Variants in IQGAP2 observed in about 807,000 individuals in gnomAD.
The protein encoded by IQGAP2 is IQ motif containing GTPase activating protein 2.
IQGAP2 carries 173 observed loss-of-function variants against 201.3 expected under a neutral mutation model. That is an observed-to-expected ratio of 0.86 (90% CI 0.76 to 0.98). IQGAP2 has a LOEUF of 0.98. Among genes scored for constraint, IQGAP2 ranks in the 50% least tolerant of loss-of-function variants. The pLI, the probability that IQGAP2 is intolerant of heterozygous loss-of-function variation, is 0.00. For missense variants in IQGAP2, 1,687 were observed against 1,864.8 expected (o/e 0.90, Z 1.76); for synonymous variants, 675 against 673.9 (o/e 1.00, Z -0.03).
chr5:76,627,891 T>G (rs1426594442), intron 14 of IQGAP2, among the ~76,000 whole-genome samples: 1 of 151,996 alleles, frequency 6.6e-6, no homozygotes, highest in African/African-American at 2.4e-5. Flanking sequence ...ACCTATGGAG[T>G]TGGCTAGCTG....
intron 2 of IQGAP2, among the ~76,000 whole-genome samples, chr5:76,465,545 A>C (rs1754723023): frequency 6.6e-6 from 1 of 152,236 alleles, no homozygotes; most frequent in East Asian, 1.9e-4. Flanking sequence ...AGGCAAGAAA[A>C]ATAAGCAAAA....
chr5:76,468,519 C>T (rs1268921546), intron 2 of IQGAP2, among the ~76,000 whole-genome samples: 7 of 152,182 alleles, frequency 4.6e-5, no homozygotes, highest in Non-Finnish European at 1.0e-4. Context: ...CCTCTCTATC[C>T]CACCACTGCT....
At chr5:76,420,262 T>G (rs1163226452) in intron 1 of IQGAP2, among the ~76,000 whole-genome samples, 1 of 152,210 alleles carries the variant, frequency 6.6e-6, no homozygotes, top group Non-Finnish European at 1.5e-5. Context: ...TGTTTTTTTT[T>G]GTGCTAAAAT....
chr5:76,479,879 C>CTG (rs772881695), intron 2 of IQGAP2, among the ~76,000 whole-genome samples: 3 of 151,750 alleles, frequency 2.0e-5, no homozygotes, highest in Admixed American at 6.6e-5. Flanking sequence ...TGGTGTAGAA[C>CTG]TGTGTGTGTG....
At chr5:76,593,607 C>T (rs962763921) in intron 9 of IQGAP2, among the ~76,000 whole-genome samples, 15 of 152,122 alleles carry the variant, frequency 9.9e-5, no homozygotes, top group African/African-American at 3.6e-4. Flanking sequence ...TCTGGCAAAA[C>T]CTATTTTTAC....
intron 1 of IQGAP2, among the ~76,000 whole-genome samples, chr5:76,446,331 C>T (rs1375254197): frequency 6.6e-6 from 1 of 151,938 alleles, no homozygotes; most frequent in Non-Finnish European, 1.5e-5. Context: ...CATTTTTTTC[C>T]ACACCTGCAC....
In IQGAP2 at chr5:76,590,428, A is replaced by G. The variant is rs1218879215; in HGVS notation, c.661A>G (p.Ile221Val). The stretch of plus-strand genomic sequence containing the variant: ...TTTAGTACATGCTGCAGTTATAGCC[A>G]TTAATGAAGCAGTTGAAAAAGGAAT... ...EAALHAAVIA[I>V]NEAVEKGIAE... The change falls in exon 8 of 36, where the codon ATT (isoleucine) becomes GTT (valine). Residue 221 changes from isoleucine (I) to valine (V), a missense_variant. Transcript: ENST00000274364. The G allele has an allele frequency of 6.2e-7, 1 of 1,608,496 alleles. No homozygotes were observed. The highest frequency in any genetic ancestry group is 1.3e-5 in the African/African-American group (1 of 74,650).
Position 76,564,808 on chromosome 5 carries a change from C to T in IQGAP2, c.303+2256C>T, listed in dbSNP as rs541110863. ...CTGCCCCATCAGATCCCTGGAAGGC[C>T]GGGTGGCACAGAGGTGATGCTGGGA... On this transcript the variant is annotated intron_variant, in intron 3 of 35. Coordinates refer to ENST00000274364, the MANE Select transcript of IQGAP2 (RefSeq NM_006633.5). Among the ~76,000 whole-genome samples, 11 of 152,230 alleles carry T rather than the reference C, an allele frequency of 7.2e-5. No homozygotes were observed. In the South Asian group the frequency reaches 2.1e-3, roughly 29 times the overall value.
Position 76,671,830 on chromosome 5 carries a change from A to G in IQGAP2, c.2915A>G (p.Asn972Ser), listed in dbSNP as rs746347958. ...PTVIKMVVSF[N>S]RGARGQNTLR... ...GTCATCAAGATGGTCGTCAGCTTCA[A>G]TAGAGGTGCCCGGGGACAGAACACC... Residue 972 changes from asparagine to serine, a missense_variant, in exon 24 of 36, where the codon AAT becomes AGT. Asn to Ser is a conservative substitution (Grantham distance 46). Coordinates refer to ENST00000274364, the MANE Select transcript of IQGAP2 (RefSeq NM_006633.5). The G allele has an allele frequency of 7.4e-6, 12 of 1,614,158 alleles. No homozygotes were observed. Among genetic ancestry groups the G allele is most frequent in the African/African-American group, 4.0e-5 (3 of 75,030 alleles).
At chr5:76,621,763 A>G (rs986674339) in intron 13 of IQGAP2, among the ~76,000 whole-genome samples, 8 of 152,102 alleles carry the variant, frequency 5.3e-5, no homozygotes, top group African/African-American at 1.9e-4. Context: ...TTCCTTATGA[A>G]TTGTACTCAT....
chr5:76,424,605 T>C (rs1244468442), intron 1 of IQGAP2, among the ~76,000 whole-genome samples: 2 of 152,152 alleles, frequency 1.3e-5, no homozygotes, highest in Non-Finnish European at 2.9e-5. Flanking sequence ...CCCTAACAGA[T>C]CTATTTTTGT....
intron 17 of IQGAP2, among the ~76,000 whole-genome samples, chr5:76,651,094 C>T (rs190951180): frequency 6.6e-6 from 1 of 152,196 alleles, no homozygotes; most frequent in African/African-American, 2.4e-5. Flanking sequence ...CTTTCTTTGT[C>T]CACCGATTGA....
chr5:76,495,751 A>G (rs1025888094), intron 2 of IQGAP2, among the ~76,000 whole-genome samples: 2 of 152,168 alleles, frequency 1.3e-5, no homozygotes, highest in Non-Finnish European at 2.9e-5. Context: ...ACCACATGGC[A>G]GGAGAGGGAG....
At chr5:76,692,849 G>A (rs1269572758) in intron 30 of IQGAP2, among the ~76,000 whole-genome samples, 2 of 152,144 alleles carry the variant, frequency 1.3e-5, no homozygotes, top group Non-Finnish European at 2.9e-5. Context: ...GCTCCCACTG[G>A]TCTTCAGACT....
rs1371452129 is a variant in IQGAP2 at position 76,545,657 on chromosome 5, C to A, written c.147-16739C>A. Among the ~76,000 whole-genome samples, 3 of 152,234 alleles carry A rather than the reference C, an allele frequency of 2.0e-5. No homozygotes were observed. The East Asian group carries it at 5.8e-4, about 29-fold the overall frequency. On this transcript the variant is annotated intron_variant, in intron 2 of 35. Coordinates refer to ENST00000274364, the MANE Select transcript of IQGAP2 (RefSeq NM_006633.5). Reference sequence around the variant, plus strand: ...TTTTACTAGGCTTTGAAAGTTCCATCCATTTTACTAGGTGTGAATCCACTT... The same window carrying A: ...TTTTACTAGGCTTTGAAAGTTCCATACATTTTACTAGGTGTGAATCCACTT...
At chr5:76,427,719 C>T (rs1032693589) in intron 1 of IQGAP2, among the ~76,000 whole-genome samples, 14 of 152,172 alleles carry the variant, frequency 9.2e-5, no homozygotes, top group Non-Finnish European at 1.8e-4. Context: ...TAACAAGCTC[C>T]CAGGTGATGC....
intron 1 of IQGAP2, among the ~76,000 whole-genome samples, chr5:76,454,686 CT>C (rs36156605): frequency 0.21 from 31,709 of 150,086 alleles, 2,991 homozygotes; most frequent in Middle Eastern, 0.29. Context: ...TTAATCCAGT[CT>C]ATCATTGTTG....
chr5:76,569,292 A>T (rs561631286), intron 3 of IQGAP2, among the ~76,000 whole-genome samples: 5 of 152,228 alleles, frequency 3.3e-5, no homozygotes, highest in Admixed American at 2.6e-4. Context: ...TTTTTGGTCT[A>T]TCTTTCCATA....
chr5:76,626,270 C>CTTTTCTTTTT (rs1750221451), intron 13 of IQGAP2, among the ~76,000 whole-genome samples: 1 of 83,654 alleles, frequency 1.2e-5, no homozygotes, highest in African/African-American at 5.0e-5. Flanking sequence ...TTCTTCTTTT[C>CTTTTCTTTTT]TTTTTTTTTT....
Sources: allele counts gnomAD v4.1 joint callset (sites outside exome capture counted in the v4.1 genomes callset), GRCh38; gene constraint gnomAD v4.1.1; transcripts MANE v1.5; gene names NCBI Gene and HGNC (gene_info 2026-07-23, HGNC 2026-07-21).